Variants in NRG2 observed in about 807,000 individuals in gnomAD.
The protein encoded by NRG2 is neuregulin 2.
A neutral mutation model predicts 73.9 loss-of-function variants in NRG2; 27 were observed. The ratio of observed to expected loss-of-function variants is 0.37; its 90% CI spans 0.27 to 0.50. NRG2 has a LOEUF of 0.50. Ranked by LOEUF, NRG2 falls within the 20% of genes least tolerant of loss-of-function variation. The pLI is 0.96. For synonymous variants in NRG2, 532 were observed against 541.0 expected (o/e 0.98, Z 0.23); for missense variants, 1,126 against 1,210.1 (o/e 0.93, Z 1.03).
Position 139,978,422 on chromosome 5 carries a change from G to A in NRG2, c.700+63948C>T, listed in dbSNP as rs376463743. Reference sequence around the variant, plus strand: ...ACTATTTCACACCAGTTAGAATGGCGATCATTAAAAAGTCAGGAAACAACA... The same window carrying A: ...ACTATTTCACACCAGTTAGAATGGCAATCATTAAAAAGTCAGGAAACAACA... On this transcript the variant is annotated intron_variant, in intron 1 of 9. Coordinates refer to ENST00000361474, the MANE Select transcript of NRG2 (RefSeq NM_004883.3). Among the ~76,000 whole-genome samples, 8 of 152,260 alleles carry A rather than the reference G, an allele frequency of 5.3e-5. No homozygotes were observed. In the East Asian group the frequency reaches 1.2e-3, roughly 22 times the overall value.
intron 1 of NRG2, among the ~76,000 whole-genome samples, chr5:140,035,487 A>G (rs532924149): frequency 6.6e-6 from 1 of 152,342 alleles, no homozygotes; most frequent in South Asian, 2.1e-4. Flanking sequence ...TTTACACAGA[A>G]TATATATTTA....
intron 1 of NRG2, among the ~76,000 whole-genome samples, chr5:139,932,901 T>A (rs977716879): frequency 2.6e-5 from 4 of 152,018 alleles, no homozygotes; most frequent in Non-Finnish European, 4.4e-5. Context: ...TTAAAAATTT[T>A]AAAAAATCAT....
At chr5:139,985,797 C>G (rs928512309) in intron 1 of NRG2, among the ~76,000 whole-genome samples, 1 of 152,164 alleles carries the variant, frequency 6.6e-6, no homozygotes, top group Non-Finnish European at 1.5e-5. Flanking sequence ...TCAGCTTACA[C>G]CTTTCGCTTC....
At chr5:139,916,683 A>G (rs1365494878) in intron 1 of NRG2, among the ~76,000 whole-genome samples, 1 of 152,200 alleles carries the variant, frequency 6.6e-6, no homozygotes, top group South Asian at 2.1e-4. Context: ...TTCACTAGGT[A>G]TAATGTTTTC....
Position 139,852,619 on chromosome 5 carries a change from T to C in NRG2, c.1417-60A>G. The C allele has an allele frequency of 6.3e-7, 1 of 1,589,990 alleles. No individual in the cohort carries two copies. The highest frequency in any genetic ancestry group is 1.3e-5 in the African/African-American group (1 of 74,776). ...TGGGGCCCAAATGAACTCTTTCTTG[T>C]TGGGGACAGGGAAGTGATGAGCACT... On this transcript the variant is annotated intron_variant, in intron 7 of 9. Transcript: ENST00000361474. The surrounding 1 kb of genome is among the most constrained non-coding windows in gnomAD (Gnocchi z 4.4).
At position 139,848,747 on chromosome 5, in the gene NRG2, G is replaced by C; in HGVS notation, c.1773-50C>G. 5 of 1,083,700 alleles carry C rather than the reference G, an allele frequency of 4.6e-6. No individual in the cohort carries two copies. The South Asian group carries it at 9.7e-5, about 21-fold the overall frequency. The allele number at this position is 1,083,700 out of a possible 1,614,324, so 67.1% of individuals were successfully genotyped here. A position where few individuals can be genotyped will look rare whatever the true frequency, so the allele number is the denominator to read the frequency against. On this transcript the variant is annotated intron_variant, in intron 9 of 9. Transcript: ENST00000361474. ...GCCAGGGCCAGGCCGGGCCGGCGCG[G>C]GGGAGGGGGGGTTGGGGGTGGGGTA...
At chr5:139,875,028 C>T (rs1291003058) in intron 3 of NRG2, among the ~76,000 whole-genome samples, 1 of 152,012 alleles carries the variant, frequency 6.6e-6, no homozygotes, top group Admixed American at 6.5e-5. Flanking sequence ...TCTTTTTTCC[C>T]CAAGACAGAG....
intron 3 of NRG2, among the ~76,000 whole-genome samples, chr5:139,877,580 G>A (rs1763262722): frequency 6.6e-6 from 1 of 152,258 alleles, no homozygotes; most frequent in Non-Finnish European, 1.5e-5. Context: ...ATCCCCAGCA[G>A]GGGCCTCCTG....
At chr5:139,941,034 G>A (rs781418562) in intron 1 of NRG2, among the ~76,000 whole-genome samples, 1 of 152,136 alleles carries the variant, frequency 6.6e-6, no homozygotes, top group African/African-American at 2.4e-5. Context: ...TCTAGACAGA[G>A]AGAATAGCAT....
rs1301254508 is a variant in NRG2 at position 139,870,042 on chromosome 5, C to A, written c.1112+1679G>T. Among the ~76,000 whole-genome samples, 1 of 152,134 alleles carries A rather than the reference C, an allele frequency of 6.6e-6. No individual in the cohort carries two copies. The highest frequency in any genetic ancestry group is 2.4e-5 in the African/African-American group (1 of 41,408). ...GGGGCTAGGGAAGAGGAGAGACCTA[C>A]CTAGTGTGTATGTCACAGGGAGGAG... is the stretch of plus-strand genomic sequence containing the variant. On this transcript the variant is annotated intron_variant, in intron 4 of 9. Coordinates refer to ENST00000361474, the MANE Select transcript of NRG2 (RefSeq NM_004883.3). The surrounding 1 kb of genome is among the most constrained non-coding windows in gnomAD (Gnocchi z 4.4).
rs753251234 is a variant in NRG2, at chr5:139,848,469, GCCGGGCCCGGGCCCGGGCCCGGGT to G, written c.1977_2000del (p.Pro660_Gly667del). On this transcript the variant is annotated inframe_deletion, in exon 10 of 10. Transcript: ENST00000361474. ...TGTCATAGCTGCGCTGCATGTCTGCGCCGGGCCCGGGCCCGGGCCCGGGTCCGGGTCCCGGGCCGGGGGGCGCCG... is the reference window on the plus strand; with the variant it reads ...TGTCATAGCTGCGCTGCATGTCTGCGCCGGGTCCCGGGCCGGGGGGCGCCG... 1.1e-5 allele frequency: 15 copies of G among 1,336,730 alleles called. No homozygotes were observed. The highest frequency in any genetic ancestry group is 1.3e-5 in the Non-Finnish European group (14 of 1,058,186). 82.8% of individuals were successfully genotyped at this position (1,336,730 alleles called of 1,614,324 possible).
intron 1 of NRG2, among the ~76,000 whole-genome samples, chr5:139,917,702 C>T (rs1224092540): frequency 1.3e-5 from 2 of 152,072 alleles, no homozygotes; most frequent in Non-Finnish European, 2.9e-5. Context: ...GTATAATTGA[C>T]AAATAAATTG....
At chr5:139,945,569 C>A (rs1465421803) in intron 1 of NRG2, among the ~76,000 whole-genome samples, 1 of 151,932 alleles carries the variant, frequency 6.6e-6, no homozygotes, top group Non-Finnish European at 1.5e-5. Context: ...GGAAAGAGAA[C>A]AAAACTGGAG....
At chr5:139,916,962 C>T (rs1751301104) in intron 1 of NRG2, among the ~76,000 whole-genome samples, 1 of 152,138 alleles carries the variant, frequency 6.6e-6, no homozygotes, top group Admixed American at 6.5e-5. Context: ...CATATTGTAA[C>T]TCTACGTTTA....
In NRG2 at chr5:139,904,520, G is replaced by T; in HGVS notation, c.701-17009C>A. The T allele has an allele frequency of 1.9e-6, 1 of 531,246 alleles. No homozygotes were observed. The highest frequency in any genetic ancestry group is 3.3e-6 in the Non-Finnish European group (1 of 305,220). The allele number at this position is 531,246 out of a possible 1,614,324, so 32.9% of individuals were successfully genotyped here. A position where few individuals can be genotyped will look rare whatever the true frequency, so the allele number is the denominator to read the frequency against. On this transcript the variant is annotated intron_variant, in intron 1 of 9. Coordinates refer to ENST00000361474, the MANE Select transcript of NRG2 (RefSeq NM_004883.3). The surrounding 1 kb of genome is among the most constrained non-coding windows in gnomAD (Gnocchi z 6.0). ...CTTATAGGCGGTCACACCCTCCGGG[G>T]GAGGGGAGCAGCGAGCCTTAACTCT...
intron 9 of NRG2, among the ~76,000 whole-genome samples, chr5:139,849,890 T>C (rs1225608320): frequency 6.6e-6 from 1 of 152,206 alleles, no homozygotes; most frequent in Non-Finnish European, 1.5e-5. Context: ...AGCAATCTTG[T>C]AAAGTCACAG....
chr5:139,865,369 G>GGAAAA lies in NRG2; in HGVS notation c.1189+179_1189+180insTTTTC, dbSNP rs1762417157. On this transcript the variant is annotated intron_variant, in intron 5 of 9. Coordinates refer to ENST00000361474, the MANE Select transcript of NRG2 (RefSeq NM_004883.3). The surrounding 1 kb of genome is among the most constrained non-coding windows in gnomAD (Gnocchi z 5.2). ...GGATTAGGCCAAAAATGAAAACAAA[G>GGAAAA]CAAAACAAAACAAAACAAAAAGAAC... Among the ~76,000 whole-genome samples, 1 of 152,048 alleles carries GGAAAA rather than the reference G, an allele frequency of 6.6e-6. No individual in the cohort carries two copies. The highest frequency in any genetic ancestry group is 1.5e-5 in the Non-Finnish European group (1 of 68,014).
intron 1 of NRG2, among the ~76,000 whole-genome samples, chr5:139,994,841 T>C (rs1757908207): frequency 6.6e-6 from 1 of 151,966 alleles, no homozygotes; most frequent in Non-Finnish European, 1.5e-5. Flanking sequence ...CAGAGAGGGG[T>C]ATGCAGAAGC....
At chr5:139,992,161 C>T (rs1176173260) in intron 1 of NRG2, among the ~76,000 whole-genome samples, 1 of 152,140 alleles carries the variant, frequency 6.6e-6, no homozygotes, top group Non-Finnish European at 1.5e-5. Context: ...CCCTTAATAT[C>T]TCTTAATGAA....
Sources: gnomAD v4.1 joint callset for allele counts (sites outside exome capture counted in the v4.1 genomes callset) on GRCh38, gnomAD v4.1.1 for gene constraint, Gnocchi (gnomAD v3.1) non-coding constraint, MANE v1.5 for transcripts, NCBI Gene and HGNC (gene_info 2026-07-23, HGNC 2026-07-21) for gene names.